The following USH2A variants were observed in gnomAD, a reference collection of about 807,000 sequenced individuals.
USH2A encodes Usher syndrome 2A (autosomal recessive, mild).
Under a neutral mutation model 538.9 loss-of-function variants are expected in USH2A, and 443 were observed. The ratio of observed to expected loss-of-function variants is 0.82; its 90% CI spans 0.76 to 0.89. USH2A has a LOEUF of 0.89. USH2A is among the 40% of genes least tolerant of loss of function. The pLI is 0.00. For synonymous variants in USH2A, 2,413 were observed against 2,273.5 expected (o/e 1.06, Z -1.75); for missense variants, 6,633 against 6,324.8 (o/e 1.05, Z -1.65).
chr1:216,152,565 C>T (rs934463641), intron 21 of USH2A, among the ~76,000 whole-genome samples: 3 of 152,238 alleles, frequency 2.0e-5, no homozygotes, highest in Admixed American at 1.3e-4. Context: ...ATAAAACGGC[C>T]CCACCCTTAT....
chr1:215,930,276 G>A (rs887726780), intron 38 of USH2A, among the ~76,000 whole-genome samples: 3 of 151,866 alleles, frequency 2.0e-5, no homozygotes, highest in Non-Finnish European at 2.9e-5. Context: ...TTTCTAGCTC[G>A]TCAGTATGGA....
intron 43 of USH2A, among the ~76,000 whole-genome samples, chr1:215,875,570 T>C (rs1012542039): frequency 6.6e-6 from 1 of 152,072 alleles, no homozygotes; most frequent in Non-Finnish European, 1.5e-5. Context: ...GAGGAATCAC[T>C]AAAAATTCAT....
intron 52 of USH2A, among the ~76,000 whole-genome samples, chr1:215,786,189 A>G (rs1661794741): frequency 6.6e-6 from 1 of 152,206 alleles, no homozygotes; most frequent in African/African-American, 2.4e-5. Flanking sequence ...TGCAAAGGTT[A>G]TTCTTTTGGA....
chr1:215,625,279 C>A lies in USH2A; in HGVS notation c.*502G>T. The A allele has an allele frequency of 5.8e-6, 1 of 173,792 alleles. No homozygotes were observed. Among genetic ancestry groups the A allele is most frequent in the African/African-American group, 2.4e-5 (1 of 41,804 alleles). 10.8% of individuals were successfully genotyped at this position (173,792 alleles called of 1,614,324 possible). On this transcript the variant is annotated 3_prime_UTR_variant, in exon 72 of 72. Coordinates refer to ENST00000307340, the MANE Select transcript of USH2A (RefSeq NM_206933.4). ...AGAACCTTCAGAAAAGTTTGTCGAC[C>A]TGGTGCAAAGTTTGGGATTCATTTA...
intron 58 of USH2A, among the ~76,000 whole-genome samples, chr1:215,744,580 C>A (rs1163174605): frequency 1.3e-5 from 2 of 152,114 alleles, no homozygotes; most frequent in Non-Finnish European, 2.9e-5. Context: ...CTAGAGATAA[C>A]ATTACTGAGG....
At chr1:215,636,153 G>A (rs564242652) in intron 69 of USH2A, among the ~76,000 whole-genome samples, 118 of 152,236 alleles carry the variant, frequency 7.8e-4, no homozygotes, top group Non-Finnish European at 1.3e-3. Flanking sequence ...CAACTGCAAA[G>A]CCCACTCACT....
At chr1:216,252,811 A>C (rs115306572) in intron 11 of USH2A, among the ~76,000 whole-genome samples, 462 of 152,314 alleles carry the variant, frequency 3.0e-3, no homozygotes, top group African/African-American at 0.011. Flanking sequence ...CAGAGATTTG[A>C]TTCAGCCTAC....
chr1:215,636,426 T>C (rs1353205675), intron 69 of USH2A, among the ~76,000 whole-genome samples: 1 of 152,200 alleles, frequency 6.6e-6, no homozygotes, highest in Non-Finnish European at 1.5e-5. Context: ...ATCTCTAAAA[T>C]AAAGGGTTGA....
intron 30 of USH2A, among the ~76,000 whole-genome samples, chr1:216,064,938 G>A (rs1236759826): frequency 6.6e-6 from 1 of 152,028 alleles, no homozygotes; most frequent in East Asian, 1.9e-4. Flanking sequence ...GACTTTGAAG[G>A]TTAAAACATA....
At chr1:216,360,055 G>T (rs1047726514) in intron 4 of USH2A, among the ~76,000 whole-genome samples, 4 of 151,990 alleles carry the variant, frequency 2.6e-5, no homozygotes, top group Non-Finnish European at 5.9e-5. Flanking sequence ...CAGTAATTGC[G>T]CTCTTTGGTA....
chr1:216,080,825 G>C (rs536972126), intron 26 of USH2A, among the ~76,000 whole-genome samples: 97 of 151,090 alleles, frequency 6.4e-4, no homozygotes, highest in African/African-American at 2.3e-3. Flanking sequence ...CCCCTGAGTC[G>C]GTAGAGAGTG....
intron 37 of USH2A, among the ~76,000 whole-genome samples, chr1:215,956,768 G>A (rs1304316186): frequency 6.6e-6 from 1 of 152,128 alleles, no homozygotes; most frequent in Non-Finnish European, 1.5e-5. Flanking sequence ...AATTCAATAA[G>A]CTGCTGTGTG....
chr1:216,342,796 A>T (rs1339475627), intron 4 of USH2A, among the ~76,000 whole-genome samples: 2 of 152,056 alleles, frequency 1.3e-5, no homozygotes, highest in African/African-American at 4.8e-5. Flanking sequence ...ATGAGAACAC[A>T]TGGACGAAGG....
At chr1:216,175,618 T>C (rs914546447) in intron 20 of USH2A, 136 bp from the exon 21 acceptor site, 3 of 864,964 alleles carry the variant, frequency 3.5e-6, no homozygotes, top group Admixed American at 2.1e-5. Context: ...AGTATCTGTA[T>C]GGCTCTAGGA....
chr1:216,109,276 C>T (rs1274278358), intron 21 of USH2A, among the ~76,000 whole-genome samples: 1 of 152,138 alleles, frequency 6.6e-6, no homozygotes, highest in Non-Finnish European at 1.5e-5. Context: ...ACTTTTAGAT[C>T]TAATTTCATC....
At chr1:215,962,658 T>C (rs1558184089) in intron 37 of USH2A, among the ~76,000 whole-genome samples, 1 of 151,208 alleles carries the variant, frequency 6.6e-6, no homozygotes, top group African/African-American at 2.4e-5. Context: ...TGTTTATGTA[T>C]ACACACACAC....
At chr1:216,119,539 G>A (rs1490565665) in intron 21 of USH2A, among the ~76,000 whole-genome samples, 2 of 151,876 alleles carry the variant, frequency 1.3e-5, no homozygotes. Flanking sequence ...TTGTTTTAAA[G>A]TTCTACTACA....
intron 44 of USH2A, among the ~76,000 whole-genome samples, chr1:215,865,162 C>T (rs1664436102): frequency 6.6e-6 from 1 of 152,088 alleles, no homozygotes; most frequent in Admixed American, 6.6e-5. Context: ...AGTTAATTTA[C>T]TTAAGATAGC....
At chr1:215,803,380 A>C (rs909018277) in intron 49 of USH2A, among the ~76,000 whole-genome samples, 10 of 152,150 alleles carry the variant, frequency 6.6e-5, no homozygotes, top group African/African-American at 2.2e-4. Context: ...ATATCTAGAA[A>C]ACCCCATCAT....
Sources: allele counts gnomAD v4.1 joint callset (sites outside exome capture counted in the v4.1 genomes callset), GRCh38; gene constraint gnomAD v4.1.1; transcripts MANE v1.5; gene names NCBI Gene and HGNC (gene_info 2026-07-23, HGNC 2026-07-21).